Variants in ZDHHC21 observed in about 807,000 individuals in gnomAD.
ZDHHC21 encodes the protein palmitoyltransferase ZDHHC21.
A neutral mutation model predicts 34.6 loss-of-function variants in ZDHHC21; 15 were observed. The ratio of observed to expected loss-of-function variants is 0.43; its 90% confidence interval spans 0.29 to 0.67. ZDHHC21 has a LOEUF of 0.67. ZDHHC21 is among the 30% of genes least tolerant of loss of function. The pLI, the probability that ZDHHC21 is intolerant of heterozygous loss-of-function variation, is 0.14. For synonymous variants in ZDHHC21, 142 were observed against 101.8 expected, an observed-to-expected ratio of 1.40 and a Z score of -2.38; for missense variants, 344 against 327.7, an observed-to-expected ratio of 1.05 and a Z score of -0.38.
At chr9:14,662,801 G>C (rs143433510) in intron 5 of ZDHHC21, among the ~76,000 whole-genome samples, 1 of 152,136 alleles carries the variant, frequency 6.6e-6, no homozygotes, top group African/African-American at 2.4e-5. Context: ...CCGAAAAACA[G>C]ATGGCATTTC....
downstream of ZDHHC21, among the ~76,000 whole-genome samples, chr9:14,610,799 G>C (rs1039028262): frequency 1.3e-5 from 2 of 152,020 alleles, no homozygotes; most frequent in East Asian, 1.9e-4. Context: ...TTGGGTGACT[G>C]AATCCAGCCA....
intron 1 of ZDHHC21, among the ~76,000 whole-genome samples, chr9:14,691,834 GTA>G (rs571694697): frequency 3.9e-5 from 6 of 152,040 alleles, no homozygotes; most frequent in African/African-American, 9.7e-5. Flanking sequence ...CTAATACTTC[GTA>G]TATGTTTTTA....
In ZDHHC21 at chr9:14,693,414, C is replaced by T. The variant is rs1216805003; in HGVS notation, c.-410G>A. On this transcript the variant is annotated 5_prime_UTR_variant, in exon 1 of 10. Coordinates refer to ENST00000380916, the MANE Select transcript of ZDHHC21 (RefSeq NM_178566.6). ...GTGGGTGTCCGCATGCCCGCGCGCC[C>T]GCGTGGGGAGGGACGACTGCCGCCG... 2 of 289,988 alleles carry T rather than the reference C, an allele frequency of 6.9e-6. No individual in the cohort carries two copies. Among genetic ancestry groups the T allele is most frequent in the South Asian group, 5.2e-5 (2 of 38,806 alleles). 18.0% of individuals were successfully genotyped at this position (289,988 alleles called of 1,614,324 possible).
rs371202417 is a variant in ZDHHC21, at chr9:14,674,357, T to C, written c.-17A>G. On this transcript the variant is annotated 5_prime_UTR_variant, in exon 4 of 10. Transcript: ENST00000380916. ...GAGACCCATTTTGCAATCTTATAAC[T>C]GCCTGCTAACCCACAAGGAAGGATG... 7 of 1,581,364 alleles carry C rather than the reference T, an allele frequency of 4.4e-6. No individual in the cohort carries two copies. In the African/African-American group the frequency reaches 8.3e-5, roughly 19 times the overall value.
chr9:14,614,133 T>C lies in ZDHHC21; in HGVS notation c.*4833A>G, dbSNP rs1823787114. On this transcript the variant is annotated 3_prime_UTR_variant, in exon 10 of 10. Transcript: ENST00000380916. ...GTCAGAAACTGGCTCCAGTCAACTC[T>C]GTTGCTGAGATGCTGATTATTCATG... is the stretch of plus-strand genomic sequence containing the variant. 6.6e-6 allele frequency: 1 copy of C among 151,784 alleles called. No homozygotes were observed. The highest frequency in any genetic ancestry group is 6.6e-5 in the Admixed American group (1 of 15,196). The allele number at this position is 151,784 out of a possible 1,614,324, so 9.4% of individuals were successfully genotyped here. A position where few individuals can be genotyped will look rare whatever the true frequency, so the allele number is the denominator to read the frequency against.
chr9:14,663,251 C>T (rs1230233143), intron 5 of ZDHHC21, among the ~76,000 whole-genome samples: 1 of 152,062 alleles, frequency 6.6e-6, no homozygotes, highest in African/African-American at 2.4e-5. Context: ...TTTTAATTTT[C>T]ATCATCTGTG....
At chr9:14,652,132 GTTTAA>G (rs1328600155) in intron 7 of ZDHHC21, among the ~76,000 whole-genome samples, 2 of 151,836 alleles carry the variant, frequency 1.3e-5, no homozygotes, top group East Asian at 1.9e-4. Flanking sequence ...AACAAAAAAT[GTTTAA>G]TTTATCTCCA....
In ZDHHC21 at chr9:14,640,299, T is replaced by A. The variant is rs539112531; in HGVS notation, c.505-287A>T. Reference sequence around the variant, plus strand: ...GTTAGCCTTGTTTGTTTTTTGAACCTATTTTGGGGAAAAAAAAAAAAAAAA... The same window carrying A: ...GTTAGCCTTGTTTGTTTTTTGAACCAATTTTGGGGAAAAAAAAAAAAAAAA... On this transcript the variant is annotated intron_variant, in intron 7 of 9. Transcript: ENST00000380916. Among the ~76,000 whole-genome samples the A allele has an allele frequency of 6.4e-5, 6 of 93,924 alleles. No homozygotes were observed. The East Asian group carries it at 1.6e-3, about 25-fold the overall frequency. 61.6% of individuals were successfully genotyped at this position (93,924 alleles called of 152,430 possible).
At chr9:14,596,994 G>C in the ZDHHC21 span, among the ~76,000 whole-genome samples, 1 of 152,134 alleles carries the variant, frequency 6.6e-6, no homozygotes, top group African/African-American at 2.4e-5. Flanking sequence ...GCCGGGAAAA[G>C]GTAAGTGAGA....
intron 5 of ZDHHC21, 146 bp from the exon 6 acceptor site, chr9:14,662,472 T>C: frequency 1.7e-6 from 1 of 577,252 alleles, no homozygotes; most frequent in East Asian, 2.9e-5. Context: ...TAAATGTGTT[T>C]GCCATAAATG....
intron 8 of ZDHHC21, among the ~76,000 whole-genome samples, chr9:14,620,337 T>A (rs369634583): frequency 2.1e-4 from 32 of 151,962 alleles, no homozygotes; most frequent in Non-Finnish European, 2.8e-4. Context: ...GAAATGCTGG[T>A]TTCTGTTATC....
At chr9:14,682,016 G>A (rs1474522824) in intron 2 of ZDHHC21, among the ~76,000 whole-genome samples, 2 of 152,124 alleles carry the variant, frequency 1.3e-5, no homozygotes, top group Non-Finnish European at 2.9e-5. Context: ...CACCAGGCCT[G>A]CCCTACAAGA....
At chr9:14,619,250 C>A (rs1456250496) in intron 9 of ZDHHC21, 152 bp from the exon 10 acceptor site, 3 of 894,748 alleles carry the variant, frequency 3.4e-6, no homozygotes, top group Non-Finnish European at 4.8e-6. Context: ...TTATGGCATG[C>A]AGCTGAGTTT....
chr9:14,626,777 T>C (rs1364833263), intron 8 of ZDHHC21, among the ~76,000 whole-genome samples: 1 of 151,996 alleles, frequency 6.6e-6, no homozygotes, highest in Non-Finnish European at 1.5e-5. Flanking sequence ...TTATACCCAA[T>C]TTTACTATAT....
intron 8 of ZDHHC21, among the ~76,000 whole-genome samples, chr9:14,637,568 C>T (rs1022739611): frequency 1.3e-5 from 2 of 151,848 alleles, no homozygotes; most frequent in African/African-American, 2.4e-5. Context: ...AAGAAACATA[C>T]TACAATATAA....
intron 7 of ZDHHC21, among the ~76,000 whole-genome samples, chr9:14,653,362 T>G (rs943476604): frequency 3.9e-5 from 6 of 151,964 alleles, no homozygotes; most frequent in African/African-American, 1.4e-4. Context: ...GTAATAATGG[T>G]GACTTTGGTT....
the ZDHHC21 span, among the ~76,000 whole-genome samples, chr9:14,597,448 A>G: frequency 6.6e-6 from 1 of 152,018 alleles, no homozygotes; most frequent in Non-Finnish European, 1.5e-5. Context: ...TGAAGCACAC[A>G]CTCCTCAGAA....
At chr9:14,594,120 A>C in the ZDHHC21 span, 1 of 152,188 alleles carries the variant, frequency 6.6e-6, no homozygotes, top group African/African-American at 2.4e-5. Flanking sequence ...GGAGAATAAA[A>C]ACCCCAGTTC....
chr9:14,625,781 CAT>C (rs1177883876), intron 8 of ZDHHC21, among the ~76,000 whole-genome samples: 17 of 151,928 alleles, frequency 1.1e-4, no homozygotes, highest in Non-Finnish European at 1.8e-4. Flanking sequence ...AGAGACTACA[CAT>C]ATAAAATCCT....
Sources: gnomAD v4.1 joint callset for allele counts (sites outside exome capture counted in the v4.1 genomes callset) on GRCh38, gnomAD v4.1.1 for gene constraint, MANE v1.5 for transcripts, NCBI Gene and HGNC (gene_info 2026-07-23, HGNC 2026-07-21) for gene names.